Variants in SHROOM2 observed in about 807,000 individuals in gnomAD.
SHROOM2 encodes protein Shroom2.
In SHROOM2, 33 loss-of-function variants were observed where a neutral mutation model predicts 75.9. The ratio of observed to expected loss-of-function variants is 0.43; its 90% CI spans 0.33 to 0.58. The LOEUF (loss-of-function observed/expected upper bound fraction) is 0.58, where lower values mean the gene tolerates loss of function less well. Among genes scored for constraint, SHROOM2 ranks in the 20% least tolerant of loss-of-function variants. The pLI is 0.04. For missense variants in SHROOM2, 1,434 were observed against 1,461.2 expected, an observed-to-expected ratio of 0.98 and a Z score of 0.30; for synonymous variants, 655 against 663.6, an observed-to-expected ratio of 0.99 and a Z score of 0.20.
intron 2 of SHROOM2, among the ~76,000 whole-genome samples, chrX:9,880,192 G>T (rs1037731103): frequency 8.9e-6 from 1 of 112,676 alleles, no homozygotes; most frequent in Non-Finnish European, 1.9e-5. Flanking sequence ...CAGACACCAA[G>T]GGCCCCTGGG....
At chrX:9,904,100 A>G (rs954359478) in intron 5 of SHROOM2, among the ~76,000 whole-genome samples, 1 of 111,008 alleles carries the variant, frequency 9.0e-6, no homozygotes, top group Non-Finnish European at 1.9e-5. Context: ...GTGCAAAAGG[A>G]GGGTGAAAGT....
chrX:9,792,083 A>G (rs866350945), intron 1 of SHROOM2, among the ~76,000 whole-genome samples: 1 of 12,090 alleles, frequency 8.3e-5, no homozygotes, highest in Admixed American at 1.6e-3. Context: ...ATAGAATAGA[A>G]TAGAATAGAA....
At chrX:9,870,118 C>T (rs758297454) in intron 1 of SHROOM2, among the ~76,000 whole-genome samples, 7 of 111,225 alleles carry the variant, frequency 6.3e-5, no homozygotes, top group Non-Finnish European at 1.3e-4. Flanking sequence ...ACCAGCTATT[C>T]GGGAGACTGA....
At chrX:9,829,723 G>C (rs1424515673) in intron 1 of SHROOM2, among the ~76,000 whole-genome samples, 4 of 112,175 alleles carry the variant, frequency 3.6e-5, no homozygotes, top group Non-Finnish European at 5.6e-5. Flanking sequence ...GTATTTCTAA[G>C]CCAGAAGAAA....
At chrX:9,868,338 C>T (rs1051458296) in intron 1 of SHROOM2, among the ~76,000 whole-genome samples, 5 of 109,246 alleles carry the variant, frequency 4.6e-5, no homozygotes, top group African/African-American at 6.7e-5. Context: ...CTCCACCTTC[C>T]GGGTTCAAGC....
chrX:9,810,975 G>A (rs1267656205), intron 1 of SHROOM2, among the ~76,000 whole-genome samples: 2 of 108,824 alleles, frequency 1.8e-5, no homozygotes, highest in Non-Finnish European at 3.8e-5. Flanking sequence ...CCTTAGAGGC[G>A]ATGCTGTGTG....
intron 5 of SHROOM2, chrX:9,912,620 T>C (rs1427556974): frequency 9.0e-6 from 1 of 111,679 alleles, no homozygotes; most frequent in African/African-American, 3.3e-5. Context: ...CCTCTGCGTT[T>C]GCTCTCGGGG....
chrX:9,811,807 G>A (rs1170694238), intron 1 of SHROOM2, among the ~76,000 whole-genome samples: 1 of 111,900 alleles, frequency 8.9e-6, no homozygotes, highest in African/African-American at 3.2e-5. Context: ...TCCTCTGTCA[G>A]CTGATCATAG....
rs900576373 is a variant in SHROOM2 at position 9,873,516 on chromosome X, C to T, written c.166-136C>T. On this transcript the variant is annotated intron_variant, in intron 1 of 9. Coordinates refer to ENST00000380913, the MANE Select transcript of SHROOM2 (RefSeq NM_001649.4). ...GAGGGGTGTAGTGCATCCCTGATCCCCTGAGTGGTAATAAGGTCAGCCCCC... is the reference window on the plus strand; with the variant it reads ...GAGGGGTGTAGTGCATCCCTGATCCTCTGAGTGGTAATAAGGTCAGCCCCC... 7 of 660,815 alleles carry T rather than the reference C, an allele frequency of 1.1e-5. No homozygotes were observed. In the Admixed American group the frequency reaches 2.0e-4, roughly 19 times the overall value. 54.5% of individuals were successfully genotyped at this position (660,815 alleles called of 1,213,427 possible).
At chrX:9,898,337 G>A (rs2084346656) in intron 5 of SHROOM2, 47 bp downstream of exon 5, 5 of 995,888 alleles carry the variant, frequency 5.0e-6, no homozygotes, top group African/African-American at 1.9e-5. Context: ...GTCTGAGGGT[G>A]GGCTTCTGTA....
chrX:9,853,126 C>T (rs998832076), intron 1 of SHROOM2, among the ~76,000 whole-genome samples: 1 of 111,551 alleles, frequency 9.0e-6, no homozygotes, highest in Non-Finnish European at 1.9e-5. Context: ...AGCTCCTAAG[C>T]GAGCCCCAGT....
At chrX:9,874,488 AT>A (rs763627392) in intron 2 of SHROOM2, 6 of 112,515 alleles carry the variant, frequency 5.3e-5, no homozygotes, top group Non-Finnish European at 1.1e-4. Context: ...CAAAATTAGC[AT>A]GTTCTTTTGA....
intron 8 of SHROOM2, among the ~76,000 whole-genome samples, chrX:9,940,829 A>G (rs1180399577): frequency 9.0e-6 from 1 of 111,367 alleles, no homozygotes; most frequent in Admixed American, 9.6e-5. Flanking sequence ...TAGGCTTCCA[A>G]CATTCCCAGG....
At chrX:9,866,849 GCA>G (rs772365795) in intron 1 of SHROOM2, among the ~76,000 whole-genome samples, 40 of 110,571 alleles carry the variant, frequency 3.6e-4, no homozygotes, top group African/African-American at 1.3e-3. Flanking sequence ...ACACTCCCCT[GCA>G]CACACACTCA....
Position 9,944,929 on chromosome X carries a change from T to A in SHROOM2, c.4584+16T>A. ...CGGTGATCGGGTAAATGCAGATACGTCTGACTTGGAAATGGGGGGTGGTCT... is the reference window on the plus strand; with the variant it reads ...CGGTGATCGGGTAAATGCAGATACGACTGACTTGGAAATGGGGGGTGGTCT... On this transcript the variant is annotated intron_variant, in intron 9 of 9. Transcript: ENST00000380913. 1.7e-6 allele frequency: 2 copies of A among 1,180,434 alleles called. No homozygotes were observed. Among genetic ancestry groups the A allele is most frequent in the Non-Finnish European group, 2.3e-6 (2 of 876,852 alleles).
At chrX:9,806,865 A>G (rs1013361688) in intron 1 of SHROOM2, among the ~76,000 whole-genome samples, 1 of 110,830 alleles carries the variant, frequency 9.0e-6, no homozygotes, top group Non-Finnish European at 1.9e-5. Context: ...CTGGGATTAC[A>G]AGCCTGCGCC....
intron 1 of SHROOM2, among the ~76,000 whole-genome samples, chrX:9,840,058 G>A (rs1303536770): frequency 9.0e-6 from 1 of 111,642 alleles, no homozygotes; most frequent in African/African-American, 3.3e-5. Flanking sequence ...TTTGGAAAGA[G>A]GACACAAGAC....
chrX:9,795,120 T>TC (rs199652605), intron 1 of SHROOM2, among the ~76,000 whole-genome samples: 4 of 104,471 alleles, frequency 3.8e-5, no homozygotes, highest in African/African-American at 6.9e-5. Flanking sequence ...TTTCTTTCTT[T>TC]TTTTTTTGAA....
chrX:9,811,840 G>T (rs1363180131), intron 1 of SHROOM2, among the ~76,000 whole-genome samples: 1 of 111,881 alleles, frequency 8.9e-6, no homozygotes, highest in Non-Finnish European at 1.9e-5. Context: ...GAGACTATTG[G>T]TGCAGGCTGG....
Sources: gnomAD v4.1 joint callset for allele counts (sites outside exome capture counted in the v4.1 genomes callset) on GRCh38, gnomAD v4.1.1 for gene constraint, MANE v1.5 for transcripts, NCBI Gene and HGNC (gene_info 2026-07-23, HGNC 2026-07-21) for gene names.